RAP1GDS1: variants seen among roughly 807,000 people sequenced by gnomAD.
RAP1GDS1 encodes Rap1 GTPase-GDP dissociation stimulator 1, also known as RAP1, GTP-GDP dissociation stimulator 1.
A neutral mutation model predicts 71.1 loss-of-function variants in RAP1GDS1; 35 were observed. The ratio of observed to expected loss-of-function variants is 0.49; its 90% CI spans 0.38 to 0.65. The LOEUF (loss-of-function observed/expected upper bound fraction) is 0.65, where lower values mean the gene tolerates loss of function less well. RAP1GDS1 is among the 30% of genes least tolerant of loss of function. RAP1GDS1 has a pLI of 0.00. For missense variants in RAP1GDS1, 663 were observed against 706.1 expected, an observed-to-expected ratio of 0.94 and a Z score of 0.69; for synonymous variants, 229 against 243.1, an observed-to-expected ratio of 0.94 and a Z score of 0.54.
intron 1 of RAP1GDS1, among the ~76,000 whole-genome samples, chr4:98,269,415 A>T (rs1016837576): frequency 6.6e-6 from 1 of 152,154 alleles, no homozygotes; most frequent in African/African-American, 2.4e-5. Context: ...TGGTGTTGGC[A>T]ATGATTTTTT....
At chr4:98,296,957 G>GA (rs34325900) in intron 2 of RAP1GDS1, 123,997 of 343,592 alleles carry the variant, frequency 0.36, 27,263 homozygotes, top group African/African-American at 0.74. Context: ...ACCATAAAGT[G>GA]TGCCATACAG....
At chr4:98,304,191 T>C (rs1370676165) in intron 2 of RAP1GDS1, among the ~76,000 whole-genome samples, 1 of 152,268 alleles carries the variant, frequency 6.6e-6, no homozygotes, top group Non-Finnish European at 1.5e-5. Flanking sequence ...GAATGACTTA[T>C]ATTCCTTTGG....
intron 2 of RAP1GDS1, among the ~76,000 whole-genome samples, chr4:98,299,641 GTT>G (rs1194021798): frequency 6.9e-6 from 1 of 145,074 alleles, no homozygotes. Context: ...ATTTGCTTTG[GTT>G]TTTTTTTTTG....
intron 7 of RAP1GDS1, among the ~76,000 whole-genome samples, chr4:98,412,853 G>A (rs1747271217): frequency 6.6e-6 from 1 of 152,104 alleles, no homozygotes; most frequent in Non-Finnish European, 1.5e-5. Flanking sequence ...AGGGGAGGGA[G>A]TGTACAGGGA....
rs560788271 is a variant in RAP1GDS1, at chr4:98,355,298, ATCT to A, written c.361+2705_361+2707del. Among the ~76,000 whole-genome samples, 25 of 152,324 alleles carry A rather than the reference ATCT, an allele frequency of 1.6e-4. No homozygotes were observed. The South Asian group carries it at 4.3e-3, about 26-fold the overall frequency. The stretch of plus-strand genomic sequence containing the variant: ...GATAGCCTTGTGATCAATACAAAGA[ATCT>A]TCTTCTTTCAAATAAAGTATGTTCT... On this transcript the variant is annotated intron_variant, in intron 4 of 14. Transcript: ENST00000408927.
chr4:98,261,925 G>T (rs1354067484), intron 1 of RAP1GDS1, among the ~76,000 whole-genome samples: 1 of 152,222 alleles, frequency 6.6e-6, no homozygotes, highest in African/African-American at 2.4e-5. Context: ...TCCAGAGGCC[G>T]CCCGCTTCCT....
intron 3 of RAP1GDS1, among the ~76,000 whole-genome samples, chr4:98,351,748 GT>G (rs1417138080): frequency 3.3e-5 from 5 of 151,828 alleles, no homozygotes; most frequent in African/African-American, 1.2e-4. Context: ...TGGTATCATG[GT>G]GAGTTAATAC....
intron 1 of RAP1GDS1, among the ~76,000 whole-genome samples, chr4:98,270,173 A>G (rs1184247069): frequency 2.0e-5 from 3 of 152,174 alleles, no homozygotes; most frequent in African/African-American, 7.2e-5. Context: ...AATGCCATTA[A>G]TCTATTTATG....
At chr4:98,432,763 T>G (rs10025306) in intron 12 of RAP1GDS1, among the ~76,000 whole-genome samples, 22,223 of 152,114 alleles carry the variant, frequency 0.15, 2,393 homozygotes, top group African/African-American at 0.3. Flanking sequence ...ATTAAAAATA[T>G]TGAAAATAGA....
chr4:98,289,554 C>CAAA (rs6148589), intron 1 of RAP1GDS1, among the ~76,000 whole-genome samples: 1,450 of 101,884 alleles, frequency 0.014, 1 homozygote, highest in East Asian at 0.028. Context: ...CTCTGGTAAA[C>CAAA]AAAAAAAAAA....
intron 4 of RAP1GDS1, among the ~76,000 whole-genome samples, chr4:98,373,641 C>T (rs780019009): frequency 1.1e-4 from 16 of 152,176 alleles, no homozygotes; most frequent in Non-Finnish European, 2.1e-4. Context: ...ACAAGGGATA[C>T]ATTCTGAGAC....
At chr4:98,365,040 A>G (rs1362524424) in intron 4 of RAP1GDS1, among the ~76,000 whole-genome samples, 1 of 151,964 alleles carries the variant, frequency 6.6e-6, no homozygotes, top group Admixed American at 6.6e-5. Context: ...AAAAAAAAGT[A>G]TGTATGTGAA....
At chr4:98,412,356 A>G (rs1253994730) in intron 7 of RAP1GDS1, among the ~76,000 whole-genome samples, 5 of 152,094 alleles carry the variant, frequency 3.3e-5, no homozygotes, top group Admixed American at 6.6e-5. Flanking sequence ...CTACAAAAAA[A>G]GTTTAAAAAT....
At chr4:98,281,635 C>A (rs564551016) in intron 1 of RAP1GDS1, among the ~76,000 whole-genome samples, 27 of 152,310 alleles carry the variant, frequency 1.8e-4, no homozygotes, top group Middle Eastern at 6.8e-3. Flanking sequence ...GCGAGAACTT[C>A]CAACACTATG....
intron 2 of RAP1GDS1, among the ~76,000 whole-genome samples, chr4:98,318,761 G>T (rs75364162): frequency 6.6e-6 from 1 of 152,168 alleles, no homozygotes; most frequent in African/African-American, 2.4e-5. Flanking sequence ...CATATACAGC[G>T]TGGATAAAGG....
At chr4:98,370,935 CAA>C (rs988023874) in intron 4 of RAP1GDS1, among the ~76,000 whole-genome samples, 3 of 152,134 alleles carry the variant, frequency 2.0e-5, no homozygotes, top group Non-Finnish European at 4.4e-5. Flanking sequence ...TCTTTGAAAG[CAA>C]AGTCTTGTGT....
chr4:98,364,687 T>G (rs887055097), intron 4 of RAP1GDS1, among the ~76,000 whole-genome samples: 15 of 151,920 alleles, frequency 9.9e-5, no homozygotes, highest in African/African-American at 3.6e-4. Context: ...GAGGAAAAAC[T>G]TTTTACATTT....
chr4:98,271,041 G>T (rs898772860), intron 1 of RAP1GDS1, among the ~76,000 whole-genome samples: 1 of 152,048 alleles, frequency 6.6e-6, no homozygotes, highest in African/African-American at 2.4e-5. Flanking sequence ...TATTGGTAAG[G>T]CTTCTGGTCA....
intron 4 of RAP1GDS1, 46 bp downstream of exon 4, chr4:98,352,647 T>C (rs376191263): frequency 1.7e-5 from 27 of 1,599,072 alleles, no homozygotes; most frequent in Middle Eastern, 3.6e-4. Flanking sequence ...TTAAGAATTA[T>C]GATATTCAGA....
Sources: allele counts gnomAD v4.1 joint callset (sites outside exome capture counted in the v4.1 genomes callset), GRCh38; gene constraint gnomAD v4.1.1; transcripts MANE v1.5; gene names NCBI Gene and HGNC (gene_info 2026-07-23, HGNC 2026-07-21).